The following TMTC4 variants were observed in gnomAD, a reference collection of about 807,000 sequenced individuals.
TMTC4 encodes the protein protein O-mannosyl-transferase TMTC4.
In TMTC4, 65 loss-of-function variants were observed where a neutral mutation model predicts 86.0. That is an observed-to-expected ratio of 0.76 (90% CI 0.62 to 0.93). TMTC4 has a LOEUF of 0.93. Ranked by LOEUF, TMTC4 falls within the 40% of genes least tolerant of loss-of-function variation. The pLI, the probability that TMTC4 is intolerant of heterozygous loss-of-function variation, is 0.00. For missense variants in TMTC4, 866 were observed against 948.1 expected, an observed-to-expected ratio of 0.91 and a Z score of 1.14; for synonymous variants, 379 against 382.5, an observed-to-expected ratio of 0.99 and a Z score of 0.11.
chr13:100,645,915 C>G (rs117717120), intron 6 of TMTC4, among the ~76,000 whole-genome samples: 1 of 152,118 alleles, frequency 6.6e-6, no homozygotes, highest in Non-Finnish European at 1.5e-5. Flanking sequence ...GTAGCACCAC[C>G]CCCTACCGCT....
intron 5 of TMTC4, among the ~76,000 whole-genome samples, chr13:100,656,837 C>G (rs768701307): frequency 6.6e-6 from 1 of 152,140 alleles, no homozygotes. Flanking sequence ...AGCCACCGTG[C>G]CTAGCCAAAA....
intron 17 of TMTC4, among the ~76,000 whole-genome samples, chr13:100,611,524 G>A (rs536729254): frequency 5.3e-5 from 8 of 152,308 alleles, no homozygotes; most frequent in Non-Finnish European, 1.0e-4. Flanking sequence ...GGCGGAGCTT[G>A]CAGAGAGCCG....
chr13:100,675,032 T>C (rs1445701843), upstream of TMTC4: 1 of 985,524 alleles, frequency 1.0e-6, no homozygotes, highest in Non-Finnish European at 1.2e-6. Flanking sequence ...CAGGGGGCGC[T>C]AGTCGGCGGC....
rs1243185669 is a variant in TMTC4 at position 100,605,777 on chromosome 13, T to C, written c.2134+581A>G. Among the ~76,000 whole-genome samples the C allele has an allele frequency of 1.3e-5, 2 of 152,162 alleles. No individual in the cohort carries two copies. Among genetic ancestry groups the C allele is most frequent in the South Asian group, 4.1e-4 (2 of 4,838 alleles). On this transcript the variant is annotated intron_variant, in intron 18 of 18. Transcript: ENST00000342624. This position sits in a 1 kb window ranked among gnomAD's most constrained non-coding sequence, Gnocchi z 4.3. ...TTGTGAAGAGAAGCTTCAGAGTTGG[T>C]AGAGAACAGCTTTGGTGAAAAAACA... is the stretch of plus-strand genomic sequence containing the variant.
intron 1 of TMTC4, among the ~76,000 whole-genome samples, chr13:100,673,505 T>G (rs1354298626): frequency 6.6e-6 from 1 of 152,176 alleles, no homozygotes; most frequent in Non-Finnish European, 1.5e-5. Context: ...ACACAATCGT[T>G]TGTGACCCTG....
chr13:100,672,583 T>A (rs555924748), intron 1 of TMTC4, among the ~76,000 whole-genome samples: 1 of 152,286 alleles, frequency 6.6e-6, no homozygotes, highest in East Asian at 1.9e-4. Context: ...TTCACCTTAC[T>A]GGGCTCAAGG....
intron 4 of TMTC4, 137 bp from the exon 5 acceptor site, chr13:100,663,317 G>A: frequency 1.3e-6 from 1 of 760,252 alleles, no homozygotes; most frequent in South Asian, 1.6e-5. Context: ...GATAAAAACA[G>A]CATCAAGATA....
At chr13:100,673,747 G>T (rs550223930) in intron 1 of TMTC4, among the ~76,000 whole-genome samples, 7 of 152,342 alleles carry the variant, frequency 4.6e-5, no homozygotes, top group African/African-American at 1.7e-4. Context: ...CACTGTCCCA[G>T]AAAGTTTCCA....
chr13:100,664,750 C>T (rs1566643348), intron 3 of TMTC4, among the ~76,000 whole-genome samples: 5 of 152,182 alleles, frequency 3.3e-5, no homozygotes, highest in Admixed American at 2.6e-4. Flanking sequence ...GAGCTGATCC[C>T]ATCCCTCTTC....
intron 12 of TMTC4, among the ~76,000 whole-genome samples, chr13:100,632,053 A>ACACACACACACT (rs1296569630): frequency 0.017 from 716 of 42,930 alleles, 6 homozygotes; most frequent in Non-Finnish European, 0.025. Context: ...ACACACACAC[A>ACACACACACACT]CTCTCTCTCT....
chr13:100,674,136 A>G, intron 1 of TMTC4: 1 of 983,536 alleles, frequency 1.0e-6, no homozygotes, highest in Non-Finnish European at 1.2e-6. Flanking sequence ...CCAAACTCCG[A>G]GCCCACGCCG....
Position 100,604,933 on chromosome 13 carries a change from A to T in TMTC4, c.*61T>A. On this transcript the variant is annotated 3_prime_UTR_variant, in exon 19 of 19. Transcript: ENST00000342624. ...TTTAAATGGTTAAATGTAACCACAT[A>T]CTATTAATGATATGCCTCATGCACA... 6.5e-7 allele frequency: 1 copy of T among 1,528,842 alleles called. No homozygotes were observed. The highest frequency in any genetic ancestry group is 8.8e-7 in the Non-Finnish European group (1 of 1,138,314). The allele number at this position is 1,528,842 out of a possible 1,614,324, so 94.7% of individuals were successfully genotyped here. A position where few individuals can be genotyped will look rare whatever the true frequency, so the allele number is the denominator to read the frequency against.
At chr13:100,651,796 T>C (rs541026976) in intron 6 of TMTC4, among the ~76,000 whole-genome samples, 4 of 152,340 alleles carry the variant, frequency 2.6e-5, no homozygotes, top group African/African-American at 9.6e-5. Context: ...TTTCTTTGAA[T>C]TTATGTTCAG....
At chr13:100,623,883 C>T in intron 15 of TMTC4, 1 of 497,956 alleles carries the variant, frequency 2.0e-6, no homozygotes, top group South Asian at 1.5e-5. Context: ...ACCCACTATT[C>T]TCTTGTTGGT....
At chr13:100,635,276 C>T (rs575632624) in intron 10 of TMTC4, 81 bp from the exon 11 acceptor site, 28 of 1,367,244 alleles carry the variant, frequency 2.0e-5, no homozygotes, top group Non-Finnish European at 2.4e-5. Flanking sequence ...TAAATTAATG[C>T]TAAAGACCTT....
intron 6 of TMTC4, among the ~76,000 whole-genome samples, chr13:100,645,573 T>G (rs943211143): frequency 6.6e-6 from 1 of 150,898 alleles, no homozygotes; most frequent in African/African-American, 2.5e-5. Flanking sequence ...CCCGTGCACC[T>G]CTCCATGTCC....
rs189639209 is a variant in TMTC4 at position 100,611,453 on chromosome 13, C to T, written c.2064+945G>A. Among the ~76,000 whole-genome samples the T allele has an allele frequency of 4.9e-3, 746 of 152,202 alleles. 11 individuals are homozygous for T. Among genetic ancestry groups the T allele is most frequent in the African/African-American group, 0.017 (691 of 41,522 alleles). ...ACAAAACATTAGCCGGGCGTGGTGG[C>T]GGGCGCCTATAGTCCCAGCCACTCG... On this transcript the variant is annotated intron_variant, in intron 17 of 18. Transcript: ENST00000342624.
intron 15 of TMTC4, chr13:100,625,119 C>A: frequency 5.2e-6 from 1 of 192,232 alleles, no homozygotes; most frequent in Non-Finnish European, 1.1e-5. Flanking sequence ...GCTCTGCTCC[C>A]TTGAAGAAGG....
rs539568764 is a variant in TMTC4, at chr13:100,629,594, C to T, written c.1507-3444G>A. 1.1e-4 allele frequency among the ~76,000 whole-genome samples: 17 copies of T among 151,986 alleles called. No individual in the cohort carries two copies. The South Asian group carries it at 1.5e-3, about 13-fold the overall frequency. ...CTGGGGGAAGATGAGGGTGACTGCT[C>T]GAGGCACTTTCTAGATCCACTCATT... On this transcript the variant is annotated intron_variant, in intron 12 of 18. Coordinates refer to ENST00000342624, the MANE Select transcript of TMTC4 (RefSeq NM_032813.5).
Sources: gnomAD v4.1 joint callset for allele counts (sites outside exome capture counted in the v4.1 genomes callset) on GRCh38, gnomAD v4.1.1 for gene constraint, Gnocchi (gnomAD v3.1) non-coding constraint, MANE v1.5 for transcripts, NCBI Gene and HGNC (gene_info 2026-07-23, HGNC 2026-07-21) for gene names.